MBOAT2: variants seen among roughly 807,000 people sequenced by gnomAD.
The protein encoded by MBOAT2 is membrane bound glycerophospholipid O-acyltransferase 2.
Under a neutral mutation model 63.4 loss-of-function variants are expected in MBOAT2, and 28 were observed. That is an observed-to-expected ratio of 0.44 (90% confidence interval 0.33 to 0.61). The LOEUF (loss-of-function observed/expected upper bound fraction) is 0.61, where lower values mean the gene tolerates loss of function less well. Among genes scored for constraint, MBOAT2 ranks in the 20% least tolerant of loss-of-function variants. The pLI is 0.03. For synonymous variants in MBOAT2, 211 were observed against 215.6 expected (o/e 0.98, Z 0.19); for missense variants, 470 against 605.8 (o/e 0.78, Z 2.35).
intron 4 of MBOAT2, among the ~76,000 whole-genome samples, chr2:8,902,814 T>A (rs1182304648): frequency 1.3e-5 from 2 of 152,204 alleles, no homozygotes; most frequent in Non-Finnish European, 2.9e-5. Context: ...CAAGATTTAT[T>A]GTGAAGAGCA....
Position 8,873,305 on chromosome 2 carries a change from A to G in MBOAT2, c.691-5T>C. The G allele has an allele frequency of 6.2e-7, 1 of 1,611,706 alleles. No individual in the cohort carries two copies. The highest frequency in any genetic ancestry group is 8.5e-7 in the Non-Finnish European group (1 of 1,178,458). ...GAGCTTCTGAACAACCGCAGTCTGAAAAGCGCAAGGCGAGACTTCATCAAC... is the reference window on the plus strand; with the variant it reads ...GAGCTTCTGAACAACCGCAGTCTGAGAAGCGCAAGGCGAGACTTCATCAAC... On this transcript the variant is annotated splice_polypyrimidine_tract_variant and splice_region_variant and intron_variant, in intron 7 of 12. Coordinates refer to ENST00000305997, the MANE Select transcript of MBOAT2 (RefSeq NM_138799.4).
intron 3 of MBOAT2, among the ~76,000 whole-genome samples, chr2:8,932,648 C>A (rs1256255624): frequency 6.6e-6 from 1 of 152,050 alleles, no homozygotes; most frequent in East Asian, 1.9e-4. Flanking sequence ...GGTTTTGTGA[C>A]CTTGATTTAA....
rs771313429 is a variant in MBOAT2 at position 8,977,221 on chromosome 2, A to AT, written c.76-18580dup. ...CTTATACCTCAATAAAGCTGTTTAA[A>AT]TTTTTTTTTAATAAAAATAAGTTCA... On this transcript the variant is annotated intron_variant, in intron 1 of 12. Transcript: ENST00000305997. Among the ~76,000 whole-genome samples the AT allele has an allele frequency of 1.4e-4, 21 of 151,832 alleles. No individual in the cohort carries two copies. The East Asian group carries it at 2.9e-3, about 21-fold the overall frequency.
intron 6 of MBOAT2, among the ~76,000 whole-genome samples, chr2:8,880,705 A>G (rs1033879463): frequency 3.9e-5 from 6 of 152,250 alleles, no homozygotes; most frequent in Non-Finnish European, 8.8e-5. Flanking sequence ...ACAGAGAGAA[A>G]GAGCCAGTGA....
chr2:8,898,944 C>T (rs1414033831), intron 4 of MBOAT2, among the ~76,000 whole-genome samples: 3 of 152,214 alleles, frequency 2.0e-5, no homozygotes, highest in East Asian at 1.9e-4. Context: ...ACTGACCATT[C>T]GGTTTTTGTA....
intron 3 of MBOAT2, among the ~76,000 whole-genome samples, chr2:8,928,287 C>T (rs1667071426): frequency 1.3e-5 from 2 of 152,126 alleles, no homozygotes; most frequent in Admixed American, 1.3e-4. Context: ...TCAGCCAGTT[C>T]CAGGAGCTGC....
At chr2:8,917,923 G>T (rs1421205958) in intron 3 of MBOAT2, among the ~76,000 whole-genome samples, 1 of 152,080 alleles carries the variant, frequency 6.6e-6, no homozygotes, top group East Asian at 1.9e-4. Flanking sequence ...ACAACAACAG[G>T]GATGAGTTTT....
intron 3 of MBOAT2, among the ~76,000 whole-genome samples, chr2:8,927,136 A>G (rs1666988510): frequency 6.6e-6 from 1 of 152,114 alleles, no homozygotes; most frequent in Non-Finnish European, 1.5e-5. Context: ...CTGGGGTGGG[A>G]GCAGAAATGA....
chr2:8,869,732 A>T (rs1003355672), intron 8 of MBOAT2, among the ~76,000 whole-genome samples: 15 of 152,218 alleles, frequency 9.9e-5, no homozygotes, highest in African/African-American at 3.4e-4. Flanking sequence ...GCCTGCTAGC[A>T]TAGTAACATA....
At chr2:8,881,834 C>T (rs997288260) in intron 6 of MBOAT2, among the ~76,000 whole-genome samples, 1 of 152,068 alleles carries the variant, frequency 6.6e-6, no homozygotes, top group African/African-American at 2.4e-5. Context: ...CACAAACAAT[C>T]TCATTCTTCT....
chr2:8,971,767 A>T (rs1426112979), intron 1 of MBOAT2, among the ~76,000 whole-genome samples: 1 of 152,176 alleles, frequency 6.6e-6, no homozygotes, highest in Non-Finnish European at 1.5e-5. Flanking sequence ...CCCATTCACA[A>T]TTGCTTCAAA....
chr2:9,001,546 G>C (rs1672691292), intron 1 of MBOAT2, among the ~76,000 whole-genome samples: 1 of 152,134 alleles, frequency 6.6e-6, no homozygotes, highest in Non-Finnish European at 1.5e-5. Context: ...TGCAGTGCAC[G>C]ACTGTGCTAT....
intron 3 of MBOAT2, among the ~76,000 whole-genome samples, chr2:8,936,145 G>A (rs1375580999): frequency 1.3e-5 from 2 of 152,128 alleles, no homozygotes; most frequent in Non-Finnish European, 2.9e-5. Flanking sequence ...CCTGTGGTGG[G>A]TAGTTTGACT....
In MBOAT2 at chr2:8,862,390, C is replaced by T. The variant is rs368122615; in HGVS notation, c.1185+200G>A. The stretch of plus-strand genomic sequence containing the variant: ...CGGGCACATAGAAACGTGTTTTCTC[C>T]TCACAGGAACTGGGCATGGAGCCTA... On this transcript the variant is annotated intron_variant, in intron 11 of 12. Coordinates refer to ENST00000305997, the MANE Select transcript of MBOAT2 (RefSeq NM_138799.4). This position sits in a 1 kb window ranked among gnomAD's most constrained non-coding sequence, Gnocchi z 4.3. 39 of 1,394,648 alleles carry T rather than the reference C, an allele frequency of 2.8e-5. No homozygotes were observed. In the East Asian group the frequency reaches 9.2e-4, roughly 33 times the overall value. The allele number at this position is 1,394,648 out of a possible 1,614,324, so 86.4% of individuals were successfully genotyped here.
chr2:8,926,177 G>T (rs186691888), intron 3 of MBOAT2, among the ~76,000 whole-genome samples: 68 of 152,230 alleles, frequency 4.5e-4, no homozygotes, highest in Non-Finnish European at 8.8e-4. Flanking sequence ...CACCCAGGCT[G>T]GAGTACAGTG....
chr2:8,970,341 T>A (rs988881035), intron 1 of MBOAT2, among the ~76,000 whole-genome samples: 4 of 152,156 alleles, frequency 2.6e-5, no homozygotes, highest in African/African-American at 9.7e-5. Flanking sequence ...AGACACAACA[T>A]ACCAGAATCT....
At chr2:8,939,164 A>T (rs1667874494) in intron 3 of MBOAT2, among the ~76,000 whole-genome samples, 1 of 152,208 alleles carries the variant, frequency 6.6e-6, no homozygotes, top group Non-Finnish European at 1.5e-5. Context: ...ACCACACAAC[A>T]GTGAATGAAT....
chr2:8,969,836 T>G (rs1484646818), intron 1 of MBOAT2, among the ~76,000 whole-genome samples: 1 of 152,218 alleles, frequency 6.6e-6, no homozygotes, highest in Non-Finnish European at 1.5e-5. Context: ...TAAATATATA[T>G]GCACCCAATA....
At position 8,854,467 on chromosome 2, in the gene MBOAT2, A is replaced by C. The variant is rs964077937; in HGVS notation, c.*4212T>G. 3.3e-5 allele frequency: 5 copies of C among 152,242 alleles called. No homozygotes were observed. Among genetic ancestry groups the C allele is most frequent in the African/African-American group, 4.8e-5 (2 of 41,458 alleles). 9.4% of individuals were successfully genotyped at this position (152,242 alleles called of 1,614,324 possible). A position where few individuals can be genotyped will look rare whatever the true frequency, so the allele number is the denominator to read the frequency against. ...TAAATTTCAGCCAGGAAGAACTATT[A>C]ACGCCTGGATAAAACTCCACAAAAT... On this transcript the variant is annotated 3_prime_UTR_variant, in exon 13 of 13. Transcript: ENST00000305997.
Sources: gnomAD v4.1 joint callset for allele counts (sites outside exome capture counted in the v4.1 genomes callset) on GRCh38, gnomAD v4.1.1 for gene constraint, Gnocchi (gnomAD v3.1) non-coding constraint, MANE v1.5 for transcripts, NCBI Gene and HGNC (gene_info 2026-07-23, HGNC 2026-07-21) for gene names.